Variants in ANKHD1 observed in about 807,000 individuals in gnomAD.
ANKHD1 encodes ankyrin repeat and KH domain containing 1, also known as ankyrin repeat and KH domain-containing protein 1.
A neutral mutation model predicts 230.5 loss-of-function variants in ANKHD1; 31 were observed. The observed-to-expected ratio is 0.13, with a 90% confidence interval of 0.10 to 0.18. ANKHD1 has a LOEUF of 0.18. ANKHD1 is among the 10% of genes least tolerant of loss of function. ANKHD1 has a pLI of 1.00. For missense variants in ANKHD1, 2,256 were observed against 3,071.3 expected, an observed-to-expected ratio of 0.73 and a Z score of 6.27; for synonymous variants, 1,074 against 1,117.6, an observed-to-expected ratio of 0.96 and a Z score of 0.78.
rs1561664355 is a variant in ANKHD1 at position 140,402,142 on chromosome 5, A to G, written c.175A>G (p.Ser59Gly). 4 of 1,544,618 alleles carry G rather than the reference A, an allele frequency of 2.6e-6. No homozygotes were observed. Among genetic ancestry groups the G allele is most frequent in the East Asian group, 2.4e-5 (1 of 40,984 alleles). Reference sequence around the variant, plus strand: ...CGGGCCAGCGTCGGGAGTCGGCAGCAGCGGCGGCGGCGGCAGCGGCAGCGG... The same window carrying G: ...CGGGCCAGCGTCGGGAGTCGGCAGCGGCGGCGGCGGCGGCAGCGGCAGCGG... ...EAGPASGVGS[S>G]GGGGSGSGTG... is the part of the protein sequence containing the mutation. Residue 59 changes from serine to glycine, a missense_variant, in exon 1 of 34, where the codon AGC becomes GGC. Coordinates refer to ENST00000360839, the MANE Select transcript of ANKHD1 (RefSeq NM_017747.3).
chr5:140,452,607 C>T (rs1049285668), intron 7 of ANKHD1, among the ~76,000 whole-genome samples: 1 of 152,040 alleles, frequency 6.6e-6, no homozygotes, highest in Non-Finnish European at 1.5e-5. Context: ...CCCAGGCAAA[C>T]GGTCTAGAGT....
intron 17 of ANKHD1, 98 bp from the exon 18 acceptor site, chr5:140,505,626 A>C (rs1752504826): frequency 6.8e-7 from 1 of 1,470,564 alleles, no homozygotes; most frequent in African/African-American, 1.4e-5. Flanking sequence ...TCTGCCCTGA[A>C]GGATTTATTT....
chr5:140,537,463 A>G lies in ANKHD1; in HGVS notation c.7102A>G (p.Ile2368Val), dbSNP rs1258038495. ...TCAAGATCGAAAGATACCTCCCCCA[A>G]TTGGAACAGAGAGACTGGCCCGAAT... Reference protein sequence around the residue: ...ASQDRKIPPPIGTERLARIRQ... With the variant: ...ASQDRKIPPPVGTERLARIRQ... The change falls in exon 31 of 34, where the codon ATT (isoleucine) becomes GTT (valine). Residue 2368 changes from isoleucine (I) to valine (V), a missense_variant. Physicochemically the swap from Ile to Val is conservative, Grantham distance 29. Transcript: ENST00000360839. The G allele has an allele frequency of 2.5e-6, 4 of 1,614,052 alleles. No individual in the cohort carries two copies. The highest frequency in any genetic ancestry group is 3.4e-6 in the Non-Finnish European group (4 of 1,180,024).
rs1178489654 is a variant in ANKHD1, at chr5:140,506,807, T to G, written c.3409-28T>G. 3 of 1,612,302 alleles carry G rather than the reference T, an allele frequency of 1.9e-6. No individual in the cohort carries two copies. The highest frequency in any genetic ancestry group is 2.5e-6 in the Non-Finnish European group (3 of 1,179,592). ...TAAGTTGAGCCCTTGGTGTAAACTCTCTTCTCTATCCATATTTTACTTTGT... is the reference window on the plus strand; with the variant it reads ...TAAGTTGAGCCCTTGGTGTAAACTCGCTTCTCTATCCATATTTTACTTTGT... On this transcript the variant is annotated intron_variant, in intron 18 of 33. Transcript: ENST00000360839. The surrounding 1 kb of genome is among the most constrained non-coding windows in gnomAD (Gnocchi z 4.7).
At chr5:140,409,619 C>T (rs1428116704) in intron 1 of ANKHD1, among the ~76,000 whole-genome samples, 1 of 149,382 alleles carries the variant, frequency 6.7e-6, no homozygotes, top group Non-Finnish European at 1.5e-5. Context: ...GTGGCAGGAT[C>T]TCGGCTCACT....
intron 9 of ANKHD1, among the ~76,000 whole-genome samples, chr5:140,461,710 A>T (rs2126973367): frequency 6.6e-6 from 1 of 152,282 alleles, no homozygotes; most frequent in Non-Finnish European, 1.5e-5. Context: ...TTAAAATTTG[A>T]AAATTAATGA....
intron 5 of ANKHD1, among the ~76,000 whole-genome samples, chr5:140,444,855 C>G (rs1227804567): frequency 6.6e-6 from 1 of 152,120 alleles, no homozygotes; most frequent in Non-Finnish European, 1.5e-5. Flanking sequence ...CTTTCTGTCT[C>G]TATAGATTTG....
intron 24 of ANKHD1, among the ~76,000 whole-genome samples, chr5:140,523,629 C>T (rs777717798): frequency 6.6e-6 from 1 of 150,744 alleles, no homozygotes; most frequent in African/African-American, 2.4e-5. Context: ...GCCATGATCT[C>T]GGCTCATTGC....
rs143515324 is a variant in ANKHD1, at chr5:140,461,992, TA to T, written c.1672+2638del. ...TCTATGGGCTACATCTCATTTTTCTTATCTTTCTTCTTGCAATTTTTGGTTG... is the reference window on the plus strand; with the variant it reads ...TCTATGGGCTACATCTCATTTTTCTTTCTTTCTTCTTGCAATTTTTGGTTG... On this transcript the variant is annotated intron_variant, in intron 9 of 33. Coordinates refer to ENST00000360839, the MANE Select transcript of ANKHD1 (RefSeq NM_017747.3). Among the ~76,000 whole-genome samples, 1,385 of 152,248 alleles carry T rather than the reference TA, an allele frequency of 9.1e-3. 15 individuals carry two copies. The highest frequency in any genetic ancestry group is 0.031 in the African/African-American group (1,309 of 41,558).
At chr5:140,504,422 C>A (rs1352667509) in intron 15 of ANKHD1, among the ~76,000 whole-genome samples, 1 of 152,200 alleles carries the variant, frequency 6.6e-6, no homozygotes, top group Non-Finnish European at 1.5e-5. Context: ...TCTAGAATTC[C>A]TTTTATTTAC....
intron 14 of ANKHD1, among the ~76,000 whole-genome samples, chr5:140,496,301 TC>T (rs1353410294): frequency 6.6e-6 from 1 of 152,012 alleles, no homozygotes; most frequent in Non-Finnish European, 1.5e-5. Context: ...ATTAGCAACA[TC>T]CTAGTTTGTG....
chr5:140,524,344 C>A, intron 25 of ANKHD1, 104 bp downstream of exon 25: 1 of 1,393,564 alleles, frequency 7.2e-7, no homozygotes, highest in Admixed American at 3.8e-5. Context: ...CATTTGATTA[C>A]TTTATTAATC....
At chr5:140,451,072 A>T (rs915933643) in intron 7 of ANKHD1, among the ~76,000 whole-genome samples, 1 of 152,142 alleles carries the variant, frequency 6.6e-6, no homozygotes. Flanking sequence ...GAATCACTTG[A>T]ACCTGGGAGG....
At chr5:140,463,512 A>G (rs1191705271) in intron 9 of ANKHD1, among the ~76,000 whole-genome samples, 1 of 152,060 alleles carries the variant, frequency 6.6e-6, no homozygotes, top group Non-Finnish European at 1.5e-5. Context: ...GTCTACTACC[A>G]TTGTCTCTAG....
chr5:140,416,363 G>A lies in ANKHD1; in HGVS notation c.306+14090G>A, dbSNP rs537295560. ...TTCTAGATCCTTGAGGAATCGCCAAGTTAATTTTTGTATATGGTATAAGGT... is the reference window on the plus strand; with the variant it reads ...TTCTAGATCCTTGAGGAATCGCCAAATTAATTTTTGTATATGGTATAAGGT... On this transcript the variant is annotated intron_variant, in intron 1 of 33. Coordinates refer to ENST00000360839, the MANE Select transcript of ANKHD1 (RefSeq NM_017747.3). Among the ~76,000 whole-genome samples the A allele has an allele frequency of 1.2e-4, 19 of 152,294 alleles. No homozygotes were observed. In the South Asian group the frequency reaches 3.9e-3, roughly 32 times the overall value.
At chr5:140,421,590 C>T (rs879700419) in intron 1 of ANKHD1, among the ~76,000 whole-genome samples, 3 of 152,094 alleles carry the variant, frequency 2.0e-5, no homozygotes, top group African/African-American at 7.2e-5. Context: ...CTTGAGCCAC[C>T]GTGCCCGGCC....
intron 9 of ANKHD1, among the ~76,000 whole-genome samples, chr5:140,461,993 A>C (rs1581284360): frequency 6.7e-6 from 1 of 149,242 alleles, no homozygotes; most frequent in Non-Finnish European, 1.5e-5. Context: ...CATTTTTCTT[A>C]TCTTTCTTCT....
chr5:140,426,439 AT>A, intron 1 of ANKHD1, among the ~76,000 whole-genome samples: 1 of 152,214 alleles, frequency 6.6e-6, no homozygotes, highest in Non-Finnish European at 1.5e-5. Context: ...TGGGAGCTTT[AT>A]TTTTGAAGGT....
At chr5:140,515,632 C>G (rs925514014) in intron 24 of ANKHD1, among the ~76,000 whole-genome samples, 4 of 152,208 alleles carry the variant, frequency 2.6e-5, no homozygotes, top group African/African-American at 9.6e-5. Context: ...TCCCTGACCC[C>G]TGATCCCTGA....
Sources: gnomAD v4.1 joint callset for allele counts (sites outside exome capture counted in the v4.1 genomes callset) on GRCh38, gnomAD v4.1.1 for gene constraint, Gnocchi (gnomAD v3.1) non-coding constraint, MANE v1.5 for transcripts, NCBI Gene and HGNC (gene_info 2026-07-23, HGNC 2026-07-21) for gene names.